ADAMTS12: variants seen among roughly 807,000 people sequenced by gnomAD.
The protein encoded by ADAMTS12 is ADAM metallopeptidase with thrombospondin type 1 motif 12.
In ADAMTS12, 118 loss-of-function variants were observed where a neutral mutation model predicts 167.8. The ratio of observed to expected loss-of-function variants is 0.70; its 90% CI spans 0.61 to 0.82. The LOEUF (loss-of-function observed/expected upper bound fraction) is 0.82. ADAMTS12 is among the 40% of genes least tolerant of loss of function. ADAMTS12 has a pLI of 0.00. For missense variants in ADAMTS12, 1,916 were observed against 1,998.8 expected (o/e 0.96, Z 0.79); for synonymous variants, 704 against 716.9 (o/e 0.98, Z 0.29).
intron 1 of ADAMTS12, among the ~76,000 whole-genome samples, chr5:33,882,630 T>G (rs2111781480): frequency 6.6e-6 from 1 of 152,296 alleles, no homozygotes. Flanking sequence ...TTGCACTTGT[T>G]GCCCAGGCTG....
chr5:33,646,162 T>C (rs1315441418), intron 9 of ADAMTS12, among the ~76,000 whole-genome samples: 1 of 152,170 alleles, frequency 6.6e-6, no homozygotes, highest in Non-Finnish European at 1.5e-5. Flanking sequence ...TTGGGTGTCC[T>C]GTTTCTAGTA....
intron 7 of ADAMTS12, among the ~76,000 whole-genome samples, chr5:33,656,573 G>A (rs1383670080): frequency 6.6e-6 from 1 of 152,304 alleles, no homozygotes; most frequent in Non-Finnish European, 1.5e-5. Flanking sequence ...GTGAGGATTC[G>A]AAAATGTCTT....
chr5:33,539,082 C>T (rs191569305), intron 22 of ADAMTS12, among the ~76,000 whole-genome samples: 1 of 152,112 alleles, frequency 6.6e-6, no homozygotes, highest in East Asian at 1.9e-4. Flanking sequence ...GCTGGGATTA[C>T]AGGCATGTAC....
At chr5:33,691,302 A>G (rs955097000) in intron 3 of ADAMTS12, among the ~76,000 whole-genome samples, 4 of 152,224 alleles carry the variant, frequency 2.6e-5, no homozygotes, top group Non-Finnish European at 5.9e-5. Context: ...CAGAGCTCCC[A>G]TTAATACCTA....
intron 2 of ADAMTS12, among the ~76,000 whole-genome samples, chr5:33,770,331 T>A (rs1309208241): frequency 6.6e-6 from 1 of 152,092 alleles, no homozygotes; most frequent in South Asian, 2.1e-4. Flanking sequence ...CTGGGAAACA[T>A]TGGGGAAAAC....
At chr5:33,871,420 A>AAT (rs1363185931) in intron 2 of ADAMTS12, among the ~76,000 whole-genome samples, 1 of 152,184 alleles carries the variant, frequency 6.6e-6, no homozygotes, top group Non-Finnish European at 1.5e-5. Flanking sequence ...ACTACAAAAG[A>AAT]ATATCTTTCA....
At chr5:33,685,536 G>T (rs1480824740) in intron 3 of ADAMTS12, among the ~76,000 whole-genome samples, 1 of 152,164 alleles carries the variant, frequency 6.6e-6, no homozygotes, top group Non-Finnish European at 1.5e-5. Flanking sequence ...CTGTCCATAT[G>T]AATTTAGACA....
chr5:33,587,945 A>G (rs943568868), intron 18 of ADAMTS12, among the ~76,000 whole-genome samples: 4 of 152,238 alleles, frequency 2.6e-5, no homozygotes, highest in Non-Finnish European at 5.9e-5. Flanking sequence ...TGGGAACATG[A>G]CAATGCCTGA....
chr5:33,709,606 C>T (rs1743322337), intron 3 of ADAMTS12, among the ~76,000 whole-genome samples: 1 of 151,930 alleles, frequency 6.6e-6, no homozygotes. Flanking sequence ...AAAGCAGGAA[C>T]AGAAAACCAA....
At chr5:33,675,609 C>T (rs2112245654) in intron 5 of ADAMTS12, among the ~76,000 whole-genome samples, 1 of 152,318 alleles carries the variant, frequency 6.6e-6, no homozygotes, top group East Asian at 1.9e-4. Flanking sequence ...TTACCTACAG[C>T]TTGATACTTC....
chr5:33,528,701 TAATC>T (rs1435649855), intron 23 of ADAMTS12, among the ~76,000 whole-genome samples: 2 of 152,242 alleles, frequency 1.3e-5, no homozygotes, highest in African/African-American at 4.8e-5. Flanking sequence ...GCTCATGCTC[TAATC>T]AATCATACTA....
intron 2 of ADAMTS12, among the ~76,000 whole-genome samples, chr5:33,782,565 C>T (rs1294632474): frequency 6.6e-6 from 1 of 151,924 alleles, no homozygotes; most frequent in Admixed American, 6.6e-5. Flanking sequence ...TATTCAAAGA[C>T]ATGGAATAGT....
intron 2 of ADAMTS12, among the ~76,000 whole-genome samples, chr5:33,873,134 T>C (rs1299878483): frequency 6.6e-6 from 1 of 151,082 alleles, no homozygotes; most frequent in Non-Finnish European, 1.5e-5. Context: ...AATAATACTT[T>C]GTTCACAGAT....
chr5:33,858,476 G>C (rs1210025371), intron 2 of ADAMTS12, among the ~76,000 whole-genome samples: 1 of 152,048 alleles, frequency 6.6e-6, no homozygotes, highest in African/African-American at 2.4e-5. Flanking sequence ...AGGCAACATA[G>C]TGAGACCCAA....
At chr5:33,608,409 CA>C (rs1424215732) in intron 16 of ADAMTS12, among the ~76,000 whole-genome samples, 1 of 152,172 alleles carries the variant, frequency 6.6e-6, no homozygotes, top group Non-Finnish European at 1.5e-5. Context: ...TTAATGACTA[CA>C]ATTCCTAAAA....
At chr5:33,859,965 A>G (rs182313273) in intron 2 of ADAMTS12, among the ~76,000 whole-genome samples, 1 of 152,338 alleles carries the variant, frequency 6.6e-6, no homozygotes, top group Non-Finnish European at 1.5e-5. Context: ...AATAGCATCA[A>G]CATCAACAAA....
In ADAMTS12 at chr5:33,576,431, G is replaced by C; in HGVS notation, c.3595C>G (p.Pro1199Ala). ...TCCCTGCTGAGATCTGGTGTTAGTG[G>C]AGGTGCAAGTGGCATTTCTGTACTT... ...VESTEMPLAP[P>A]LTPDLSRESW... The change falls in exon 19 of 24, where the codon CCA (proline) becomes GCA (alanine). Residue 1199 changes from proline to alanine, a missense_variant. Pro to Ala is a conservative substitution (Grantham distance 27). Transcript: ENST00000504830. 6.2e-7 allele frequency: 1 copy of C among 1,612,492 alleles called. No homozygotes were observed. Among genetic ancestry groups the C allele is most frequent in the South Asian group, 1.1e-5 (1 of 90,890 alleles).
rs889822788 is a variant in ADAMTS12, at chr5:33,654,952, A to G, written c.1190+3232T>C. Reference sequence around the variant, plus strand: ...CCATCATCAGTTCCAAGTCTGGCATATATGAGAGAAAAGAAAAGCCAGGGA... The same window carrying G: ...CCATCATCAGTTCCAAGTCTGGCATGTATGAGAGAAAAGAAAAGCCAGGGA... On this transcript the variant is annotated intron_variant, in intron 7 of 23. Coordinates refer to ENST00000504830, the MANE Select transcript of ADAMTS12 (RefSeq NM_030955.4). Among the ~76,000 whole-genome samples the G allele has an allele frequency of 4.0e-5, 6 of 150,924 alleles. No individual in the cohort carries two copies. In the Admixed American group the frequency reaches 4.0e-4, roughly 10 times the overall value.
Position 33,718,116 on chromosome 5 carries a change from A to G in ADAMTS12, c.634+33288T>C, listed in dbSNP as rs149818221. ...CTAATAATATTGGCAAATAATATTTAAAAGTATAATACAGTCTAACATGCG... is the reference window on the plus strand; with the variant it reads ...CTAATAATATTGGCAAATAATATTTGAAAGTATAATACAGTCTAACATGCG... On this transcript the variant is annotated intron_variant, in intron 3 of 23. Coordinates refer to ENST00000504830, the MANE Select transcript of ADAMTS12 (RefSeq NM_030955.4). Among the ~76,000 whole-genome samples, 314 of 152,368 alleles carry G rather than the reference A, an allele frequency of 2.1e-3. 2 individuals are homozygous for G. The highest frequency in any genetic ancestry group is 7.1e-3 in the African/African-American group (295 of 41,590).
Sources: allele counts gnomAD v4.1 joint callset (sites outside exome capture counted in the v4.1 genomes callset), GRCh38; gene constraint gnomAD v4.1.1; transcripts MANE v1.5; gene names NCBI Gene and HGNC (gene_info 2026-07-23, HGNC 2026-07-21).